MTMR3: variants seen among roughly 807,000 people sequenced by gnomAD.
The protein encoded by MTMR3 is phosphatidylinositol-3,5-bisphosphate 3-phosphatase MTMR3.
Under a neutral mutation model 132.4 loss-of-function variants are expected in MTMR3, and 32 were observed. That is an observed-to-expected ratio of 0.24 (90% CI 0.18 to 0.32). MTMR3 has a LOEUF of 0.32. Ranked by LOEUF, MTMR3 falls within the 10% of genes least tolerant of loss-of-function variation. MTMR3 has a pLI of 1.00. For synonymous variants in MTMR3, 556 were observed against 550.3 expected, an observed-to-expected ratio of 1.01 and a Z score of -0.14; for missense variants, 1,216 against 1,489.6, an observed-to-expected ratio of 0.82 and a Z score of 3.02.
intron 3 of MTMR3, among the ~76,000 whole-genome samples, chr22:29,975,844 G>T (rs1054861561): frequency 3.3e-5 from 5 of 152,164 alleles, no homozygotes; most frequent in Non-Finnish European, 7.3e-5. Context: ...GGGCTCAAGC[G>T]ATCTGCCCAC....
At chr22:30,001,781 A>G (rs1272623560) in intron 8 of MTMR3, 1 of 152,180 alleles carries the variant, frequency 6.6e-6, no homozygotes, top group Non-Finnish European at 1.5e-5. Context: ...GAGTTTGTGA[A>G]TAGGTGTTAG....
intron 3 of MTMR3, among the ~76,000 whole-genome samples, chr22:29,975,194 C>A (rs1033487884): frequency 1.3e-5 from 2 of 152,042 alleles, no homozygotes; most frequent in Non-Finnish European, 2.9e-5. Flanking sequence ...ATTGAGGTAC[C>A]CCCAAGAGGG....
In MTMR3 at chr22:30,020,246, C is replaced by T. The variant is rs980553630; in HGVS notation, c.2587C>T (p.His863Tyr). 2.5e-6 allele frequency: 4 copies of T among 1,614,212 alleles called. No homozygotes were observed. The highest frequency in any genetic ancestry group is 3.4e-6 in the Non-Finnish European group (4 of 1,180,046). Residue 863 changes from histidine to tyrosine, a missense_variant, in exon 17 of 20, where the codon CAT (histidine) becomes TAT (tyrosine). Around this residue, in one of 7 missense-constraint regions of MTMR3, gnomAD observed 852 missense variants for 852.0 expected, o/e 1.00. Transcript: ENST00000401950. ...KVKSVSGPQGHHRSCLVNSGK... is the reference protein window; with the variant it reads ...KVKSVSGPQGYHRSCLVNSGK... The stretch of plus-strand genomic sequence containing the variant: ...GAAGTCAGTAAGTGGGCCCCAAGGT[C>T]ATCATAGATCTTGCCTTGTAAATAG...
rs543842352 is a variant in MTMR3, at chr22:30,026,239, C to T, written c.*438C>T. ...AGTGCTAACATGCAACCATTCCTCA[C>T]GCCACCGCCACATCAGAGCTGGTTG... On this transcript the variant is annotated 3_prime_UTR_variant, in exon 20 of 20. Transcript: ENST00000401950. 6 of 169,854 alleles carry T rather than the reference C, an allele frequency of 3.5e-5. No individual in the cohort carries two copies. The highest frequency in any genetic ancestry group is 3.0e-4 in the South Asian group (2 of 6,726). The allele number at this position is 169,854 out of a possible 1,614,324, so 10.5% of individuals were successfully genotyped here.
In MTMR3 at chr22:30,007,950, G is replaced by A. The variant is rs373947142; in HGVS notation, c.927G>A (p.Pro309=). 94 of 1,613,654 alleles carry A rather than the reference G, an allele frequency of 5.8e-5. No homozygotes were observed. The highest frequency in any genetic ancestry group is 1.5e-4 in the Admixed American group (9 of 60,002). Residue 309 remains proline, a synonymous_variant, in exon 11 of 20, where the codon CCG becomes CCA. Coordinates refer to ENST00000401950, the MANE Select transcript of MTMR3 (RefSeq NM_021090.4). ...GAGCAGAGAGTTTAGCCATCCAACC[G>A]CAGAAGCTTTTGATCTTGGATGCAC... ...ASGAESLAIQ[P]QKLLILDARS...
chr22:29,954,402 A>C (rs2066148281), intron 1 of MTMR3, among the ~76,000 whole-genome samples: 1 of 152,050 alleles, frequency 6.6e-6, no homozygotes, highest in South Asian at 2.1e-4. Context: ...CATGGCCCTT[A>C]TCTGACAAAT....
In MTMR3 at chr22:30,019,847, A is replaced by C; in HGVS notation, c.2188A>C (p.Lys730Gln). Residue 730 changes from lysine (K) to glutamine (Q), a missense_variant, in exon 17 of 20, where the codon AAG (lysine) becomes CAG (glutamine). Lys to Gln is a moderately conservative substitution (Grantham distance 53). Transcript: ENST00000401950. The stretch of plus-strand genomic sequence containing the variant: ...TCTCTTAGAAAAGGAGAGCAGGAGG[A>C]AGACACCTGAGGCCTCAGCCATTGG... ...DPLLEKESRR[K>Q]TPEASAIGLH... 1 of 1,614,168 alleles carries C rather than the reference A, an allele frequency of 6.2e-7. No homozygotes were observed. The highest frequency in any genetic ancestry group is 1.7e-5 in the Admixed American group (1 of 60,022).
intron 2 of MTMR3, among the ~76,000 whole-genome samples, chr22:29,959,440 G>A (rs140989341): frequency 2.0e-5 from 3 of 151,968 alleles, no homozygotes; most frequent in Non-Finnish European, 4.4e-5. Context: ...GTGTGGTGGC[G>A]CGACCTCAGC....
intron 13 of MTMR3, 127 bp downstream of exon 13, chr22:30,012,690 C>T: frequency 9.7e-7 from 1 of 1,032,984 alleles, no homozygotes; most frequent in Non-Finnish European, 1.4e-6. Context: ...GGTCATTGTT[C>T]CTTTATGCCA....
intron 2 of MTMR3, among the ~76,000 whole-genome samples, chr22:29,958,422 G>T (rs1368248176): frequency 6.6e-6 from 1 of 152,110 alleles, no homozygotes; most frequent in African/African-American, 2.4e-5. Context: ...GTTCTTTACA[G>T]GTAGGCTTCA....
At chr22:29,959,969 G>A (rs1234460603) in intron 2 of MTMR3, among the ~76,000 whole-genome samples, 1 of 151,630 alleles carries the variant, frequency 6.6e-6, no homozygotes, top group African/African-American at 2.4e-5. Context: ...GTCTCATTAT[G>A]TTGCTCAGGG....
intron 5 of MTMR3, chr22:29,984,487 T>G (rs879171219): frequency 6.6e-6 from 1 of 152,266 alleles, no homozygotes; most frequent in Non-Finnish European, 1.5e-5. Context: ...TTTTTTGGAT[T>G]GATGCTCTTC....
chr22:29,932,213 C>A (rs1279309226), intron 1 of MTMR3, among the ~76,000 whole-genome samples: 1 of 152,090 alleles, frequency 6.6e-6, no homozygotes, highest in Non-Finnish European at 1.5e-5. Flanking sequence ...AAATTAAAGC[C>A]TGGCAGCTTT....
intron 1 of MTMR3, among the ~76,000 whole-genome samples, chr22:29,938,655 C>G (rs2065796904): frequency 1.3e-5 from 2 of 151,982 alleles, no homozygotes; most frequent in South Asian, 4.2e-4. Context: ...AAATCTGAGT[C>G]TCTGATGTGG....
In MTMR3 at chr22:30,028,610, G is replaced by C. The variant is rs1207048138; in HGVS notation, c.*2809G>C. ...GTATTGAGGGGTGCCTTGCTCCAGAGGCGCCAGCCCAGCATCTGTGGTGAG... is the reference window on the plus strand; with the variant it reads ...GTATTGAGGGGTGCCTTGCTCCAGACGCGCCAGCCCAGCATCTGTGGTGAG... On this transcript the variant is annotated 3_prime_UTR_variant, in exon 20 of 20. Transcript: ENST00000401950. The C allele has an allele frequency of 6.6e-6, 1 of 152,476 alleles. No individual in the cohort carries two copies. The highest frequency in any genetic ancestry group is 6.5e-5 in the Admixed American group (1 of 15,290). 9.4% of individuals were successfully genotyped at this position (152,476 alleles called of 1,614,324 possible). A position where few individuals can be genotyped will look rare whatever the true frequency, so the allele number is the denominator to read the frequency against.
intron 1 of MTMR3, among the ~76,000 whole-genome samples, chr22:29,893,605 C>G (rs1364518193): frequency 6.6e-6 from 1 of 152,058 alleles, no homozygotes; most frequent in Non-Finnish European, 1.5e-5. Flanking sequence ...AATTAGTCTT[C>G]CAAAGAACTA....
rs1473185445 is a variant in MTMR3, at chr22:29,883,354, T to A, written c.-143T>A. 1 of 157,424 alleles carries A rather than the reference T, an allele frequency of 6.4e-6. No individual in the cohort carries two copies. Among genetic ancestry groups the A allele is most frequent in the African/African-American group, 2.4e-5 (1 of 41,492 alleles). The allele number at this position is 157,424 out of a possible 1,614,324, so 9.8% of individuals were successfully genotyped here. A position where few individuals can be genotyped will look rare whatever the true frequency, so the allele number is the denominator to read the frequency against. On this transcript the variant is annotated 5_prime_UTR_variant, in exon 1 of 20. Transcript: ENST00000401950. ...CGTGGAGGGCCTCGCCATGTCCTGCTGCCCGGTAAGAACCCCATCCCCGTC... is the reference window on the plus strand; with the variant it reads ...CGTGGAGGGCCTCGCCATGTCCTGCAGCCCGGTAAGAACCCCATCCCCGTC...
chr22:29,899,817 TGATCTG>T (rs2064970471), intron 1 of MTMR3: 5 of 152,002 alleles, frequency 3.3e-5, no homozygotes, highest in Admixed American at 1.3e-4. Flanking sequence ...TTCTGTGTCT[TGATCTG>T]GATCTTGATT....
chr22:29,895,131 C>T (rs531546760), intron 1 of MTMR3, among the ~76,000 whole-genome samples: 1 of 152,230 alleles, frequency 6.6e-6, no homozygotes, highest in East Asian at 1.9e-4. Context: ...TCACTTGAAC[C>T]TGGGAGGTGG....
Sources: allele counts gnomAD v4.1 joint callset (sites outside exome capture counted in the v4.1 genomes callset), GRCh38; gene constraint gnomAD v4.1.1; regional missense constraint gnomAD v4.1.1; transcripts MANE v1.5; gene names NCBI Gene and HGNC (gene_info 2026-07-23, HGNC 2026-07-21).